NAALADL2: variants seen among roughly 807,000 people sequenced by gnomAD.
NAALADL2 encodes the protein N-acetylated alpha-linked acidic dipeptidase like 2.
Under a neutral mutation model 87.2 loss-of-function variants are expected in NAALADL2, and 76 were observed. The observed-to-expected ratio is 0.87, with a 90% CI of 0.72 to 1.05. NAALADL2 has a LOEUF of 1.05. Ranked by LOEUF, NAALADL2 falls within the 50% of genes least tolerant of loss-of-function variation. NAALADL2 has a pLI of 0.00. For missense variants in NAALADL2, 1,089 were observed against 945.8 expected (o/e 1.15, Z -1.99); for synonymous variants, 354 against 331.0 (o/e 1.07, Z -0.75).
chr3:175,719,185 C>T (rs1315401011), intron 11 of NAALADL2, among the ~76,000 whole-genome samples: 2 of 149,918 alleles, frequency 1.3e-5, no homozygotes, highest in African/African-American at 2.5e-5. Flanking sequence ...TGTCTGGAGA[C>T]ATCTTTTGGT....
chr3:175,760,972 T>A (rs747815195), intron 13 of NAALADL2, among the ~76,000 whole-genome samples: 71 of 152,310 alleles, frequency 4.7e-4, no homozygotes, highest in Non-Finnish European at 8.8e-4. Flanking sequence ...CTAGACACAG[T>A]TATCCCAATT....
chr3:175,706,855 G>A (rs1297075620), intron 11 of NAALADL2, among the ~76,000 whole-genome samples: 2 of 152,052 alleles, frequency 1.3e-5, no homozygotes, highest in Non-Finnish European at 2.9e-5. Context: ...TAACTCTTCA[G>A]TATTTAGCTA....
chr3:175,417,749 G>T (rs541930555), intron 5 of NAALADL2, among the ~76,000 whole-genome samples: 1 of 152,116 alleles, frequency 6.6e-6, no homozygotes, highest in African/African-American at 2.4e-5. Context: ...TAAATGTTTA[G>T]TGTGTAACAC....
At chr3:175,366,933 C>T (rs1290164938) in intron 5 of NAALADL2, among the ~76,000 whole-genome samples, 1 of 151,518 alleles carries the variant, frequency 6.6e-6, no homozygotes, top group East Asian at 1.9e-4. Flanking sequence ...AAGTCCTTGC[C>T]CATGCCTATG....
intron 3 of NAALADL2, among the ~76,000 whole-genome samples, chr3:174,755,470 A>G (rs922213090): frequency 5.9e-5 from 9 of 152,138 alleles, no homozygotes; most frequent in Admixed American, 3.3e-4. Context: ...TTTTTCCTTG[A>G]TATTAACCTT....
At chr3:175,641,310 A>C (rs1231541279) in intron 11 of NAALADL2, among the ~76,000 whole-genome samples, 1 of 152,134 alleles carries the variant, frequency 6.6e-6, no homozygotes, top group African/African-American at 2.4e-5. Context: ...TACTTTTTGT[A>C]AGTTGTAAAA....
chr3:175,610,784 A>G (rs1420858950), intron 10 of NAALADL2, among the ~76,000 whole-genome samples: 1 of 152,088 alleles, frequency 6.6e-6, no homozygotes, highest in Non-Finnish European at 1.5e-5. Flanking sequence ...AGATCCACTA[A>G]TATAATAATA....
At chr3:175,571,845 C>A (rs1276614026) in intron 9 of NAALADL2, among the ~76,000 whole-genome samples, 1 of 152,134 alleles carries the variant, frequency 6.6e-6, no homozygotes, top group African/African-American at 2.4e-5. Flanking sequence ...TTTGGGTTAT[C>A]TGGGCAAATT....
chr3:174,510,951 T>C (rs1719563863), intron 1 of NAALADL2, among the ~76,000 whole-genome samples: 1 of 152,034 alleles, frequency 6.6e-6, no homozygotes. Context: ...ATTCTGTTGA[T>C]CCATGTGTCA....
intron 2 of NAALADL2, among the ~76,000 whole-genome samples, chr3:174,575,850 A>G (rs778472992): frequency 6.6e-6 from 1 of 152,074 alleles, no homozygotes; most frequent in African/African-American, 2.4e-5. Flanking sequence ...GGCATTGAGT[A>G]TATATAGTTT....
At chr3:175,786,908 G>T (rs961651340) in intron 13 of NAALADL2, among the ~76,000 whole-genome samples, 3 of 152,130 alleles carry the variant, frequency 2.0e-5, no homozygotes, top group Non-Finnish European at 4.4e-5. Context: ...TGTCCTTTCT[G>T]TTTGTTAGTT....
Position 174,530,542 on chromosome 3 carries a change from G to C in NAALADL2, c.-183-20027G>C, listed in dbSNP as rs1257472653. Among the ~76,000 whole-genome samples the C allele has an allele frequency of 2.6e-5, 4 of 152,260 alleles. No individual in the cohort carries two copies. The East Asian group carries it at 5.8e-4, about 22-fold the overall frequency. On this transcript the variant is annotated intron_variant, in intron 1 of 3. Coordinates refer to the NAALADL2 transcript ENST00000434257. ...TCATGCTGCTGATAAAGACATACTCGAGACTGGGCAATTTACAAAAGAAAG... is the reference window on the plus strand; with the variant it reads ...TCATGCTGCTGATAAAGACATACTCCAGACTGGGCAATTTACAAAAGAAAG...
intron 1 of NAALADL2, among the ~76,000 whole-genome samples, chr3:174,916,794 A>G (rs1220708084): frequency 6.6e-6 from 1 of 152,094 alleles, no homozygotes; most frequent in Admixed American, 6.6e-5. Flanking sequence ...GTGTACTAAA[A>G]TCTCTGAAAT....
At chr3:175,797,526 T>TAAAGGACAGACTTTTAATATGGAAAC (rs1753647410) in intron 13 of NAALADL2, among the ~76,000 whole-genome samples, 2 of 152,236 alleles carry the variant, frequency 1.3e-5, no homozygotes, top group South Asian at 4.1e-4. Context: ...CTTGTGGTTG[T>TAAAGGACAGACTTTTAATATGGAAAC]AAAGGACAGA....
At chr3:174,690,975 G>C (rs1728521972) in intron 2 of NAALADL2, among the ~76,000 whole-genome samples, 1 of 152,052 alleles carries the variant, frequency 6.6e-6, no homozygotes, top group South Asian at 2.1e-4. Flanking sequence ...AATTAAAATT[G>C]ACTTTGCTTG....
At chr3:175,464,446 A>G (rs1723668926) in intron 7 of NAALADL2, among the ~76,000 whole-genome samples, 1 of 151,980 alleles carries the variant, frequency 6.6e-6, no homozygotes, top group Non-Finnish European at 1.5e-5. Context: ...AAAAATTGAA[A>G]TCTTCAGATA....
chr3:174,826,053 G>A (rs78981799), intron 3 of NAALADL2, among the ~76,000 whole-genome samples: 1,375 of 112,842 alleles, frequency 0.012, 20 homozygotes, highest in African/African-American at 0.041. Flanking sequence ...CAACAACAAC[G>A]ACAACAACAA....
chr3:174,804,211 A>G (rs1719190518), intron 3 of NAALADL2, among the ~76,000 whole-genome samples: 1 of 151,834 alleles, frequency 6.6e-6, no homozygotes, highest in Non-Finnish European at 1.5e-5. Context: ...ATTCCTAGGT[A>G]TTTTATTATC....
intron 4 of NAALADL2, among the ~76,000 whole-genome samples, chr3:175,305,557 T>A: frequency 6.6e-6 from 1 of 152,150 alleles, no homozygotes; most frequent in Non-Finnish European, 1.5e-5. Context: ...AGTTTTGCTC[T>A]TGTTGTCCAG....
Sources: allele counts gnomAD v4.1 joint callset (sites outside exome capture counted in the v4.1 genomes callset), GRCh38; gene constraint gnomAD v4.1.1; transcripts MANE v1.5; gene names NCBI Gene and HGNC (gene_info 2026-07-23, HGNC 2026-07-21).